The following ALG1 variants were observed in gnomAD, a reference collection of about 807,000 sequenced individuals.
ALG1 encodes the protein ALG1 chitobiosyldiphosphodolichol beta-mannosyltransferase.
In ALG1, 58 loss-of-function variants were observed where a neutral mutation model predicts 55.1. The observed-to-expected ratio is 1.05, with a 90% CI of 0.85 to 1.31. The LOEUF is 1.31. ALG1 is among the 50% of genes most tolerant of loss of function. ALG1 has a pLI of 0.00. For missense variants in ALG1, 761 were observed against 598.6 expected, an observed-to-expected ratio of 1.27 and a Z score of -2.83; for synonymous variants, 309 against 247.0, an observed-to-expected ratio of 1.25 and a Z score of -2.35.
intron 10 of ALG1, 98 bp downstream of exon 10, chr16:5,081,154 C>G: frequency 1.5e-6 from 2 of 1,328,348 alleles, no homozygotes; most frequent in East Asian, 2.6e-5. Flanking sequence ...CACTGGGGGA[C>G]GGGACCTGGG....
rs542893373 is a variant in ALG1, at chr16:5,079,955, G to T, written c.961+148G>T. 403 of 1,088,564 alleles carry T rather than the reference G, an allele frequency of 3.7e-4. 4 individuals are homozygous for T. In the South Asian group the frequency reaches 5.4e-3, roughly 15 times the overall value. 67.4% of individuals were successfully genotyped at this position (1,088,564 alleles called of 1,614,324 possible). The stretch of plus-strand genomic sequence containing the variant: ...GGGTCTTATACTGCTTGACATGGGG[G>T]AAACTGAGGCTCAGAGGCAGGGCAG... On this transcript the variant is annotated intron_variant, in intron 9 of 12. Coordinates refer to ENST00000262374, the MANE Select transcript of ALG1 (RefSeq NM_019109.5).
rs1464493808 is a variant in ALG1 at position 5,071,960 on chromosome 16, G to A, written c.111G>A (p.Ala37=). 1 of 1,589,098 alleles carries A rather than the reference G, an allele frequency of 6.3e-7. No homozygotes were observed. Among genetic ancestry groups the A allele is most frequent in the East Asian group, 2.3e-5 (1 of 43,332 alleles). ...RRGRAARHVV[A]VVLGDVGRSP... ...GGCGGGCGGCCCGGCATGTAGTAGC[G>A]GTGGTGCTGGGCGACGTGGGCCGCA... The change falls in exon 1 of 13, where the codon GCG becomes GCA. Residue 37 remains alanine, a synonymous_variant. Transcript: ENST00000262374.
chr16:5,085,748 A>T lies in ALG1; in HGVS notation c.*867A>T, dbSNP rs536814642. 3.8e-6 allele frequency: 6 copies of T among 1,593,472 alleles called. No individual in the cohort carries two copies. Among genetic ancestry groups the T allele is most frequent in the Non-Finnish European group, 4.3e-6 (5 of 1,163,234 alleles). On this transcript the variant is annotated 3_prime_UTR_variant, in exon 13 of 13. Transcript: ENST00000262374. ...CCGGCCCGGCCTGGAAACAGAGCAC[A>T]TGTGTTTGAGGATGGCGGTGTTTGG...
At chr16:5,079,009 G>C in intron 7 of ALG1, 55 bp from the exon 8 acceptor site, 1 of 1,602,664 alleles carries the variant, frequency 6.2e-7, no homozygotes, top group South Asian at 1.1e-5. Context: ...GGGCCTGTGA[G>C]CTGGAAGAGG....
Position 5,072,248 on chromosome 16 carries a change from C to T in ALG1, c.208+191C>T. 15 of 1,497,812 alleles carry T rather than the reference C, an allele frequency of 1.0e-5. No individual in the cohort carries two copies. The South Asian group carries it at 1.7e-4, about 17-fold the overall frequency. 92.8% of individuals were successfully genotyped at this position (1,497,812 alleles called of 1,614,324 possible). A position where few individuals can be genotyped will look rare whatever the true frequency, so the allele number is the denominator to read the frequency against. The stretch of plus-strand genomic sequence containing the variant: ...TAGGTATAGCCGGCGTTAATCTTGC[C>T]ACGTGTCAGAAGTGTGTTAAGTGAA... On this transcript the variant is annotated intron_variant, in intron 1 of 12. Transcript: ENST00000262374.
At chr16:5,078,410 G>C in intron 6 of ALG1, 1 of 594,456 alleles carries the variant, frequency 1.7e-6, no homozygotes, top group Non-Finnish European at 3.1e-6. Flanking sequence ...GCTAAGGAGG[G>C]GACCTTTGTG....
At chr16:5,076,142 C>G (rs1293358251) in intron 4 of ALG1, among the ~76,000 whole-genome samples, 1 of 152,234 alleles carries the variant, frequency 6.6e-6, no homozygotes, top group Non-Finnish European at 1.5e-5. Context: ...CTGGGAAGGT[C>G]ATCTGCTGTC....
chr16:5,077,964 G>T lies in ALG1; in HGVS notation c.687G>T (p.Leu229=). ...TCTTTAAAGAGACACCTCTGGACCT[G>T]CAGCACCGGCTCTTCATGAAGCTGG... The part of the protein sequence containing the change: ...ASFFKETPLD[L]QHRLFMKLGS... Residue 229 remains leucine, a synonymous_variant, in exon 6 of 13, where the codon CTG becomes CTT. Coordinates refer to ENST00000262374, the MANE Select transcript of ALG1 (RefSeq NM_019109.5). 1 of 1,604,712 alleles carries T rather than the reference G, an allele frequency of 6.2e-7. No homozygotes were observed.
intron 1 of ALG1, 34 bp downstream of exon 1, chr16:5,072,091 C>G (rs1189975032): frequency 3.9e-6 from 6 of 1,552,636 alleles, no homozygotes; most frequent in South Asian, 2.4e-5. Context: ...GGACGATGCT[C>G]TCTCAGCCGT....
At position 5,084,894 on chromosome 16, in the gene ALG1, A is replaced by T. The variant is rs1305255176; in HGVS notation, c.*13A>T. On this transcript the variant is annotated 3_prime_UTR_variant, in exon 13 of 13. Coordinates refer to ENST00000262374, the MANE Select transcript of ALG1 (RefSeq NM_019109.5). ...TATGGACACATAACTCCTGGGCCAG[A>T]GGCTAAAACCCCAGGACCCCTGCTG... 6.3e-7 allele frequency: 1 copy of T among 1,579,708 alleles called. No individual in the cohort carries two copies. Among genetic ancestry groups the T allele is most frequent in the Non-Finnish European group, 8.5e-7 (1 of 1,170,938 alleles).
chr16:5,087,053 A>G lies in ALG1; in HGVS notation c.*2172A>G, dbSNP rs1310856985. On this transcript the variant is annotated 3_prime_UTR_variant, in exon 13 of 13. Transcript: ENST00000262374. ...ATAAGAATGAAGTAGTACAGACATG[A>G]ATGTGTAGAAATCTCTATAATCCTG... 4 of 152,174 alleles carry G rather than the reference A, an allele frequency of 2.6e-5. No individual in the cohort carries two copies. The highest frequency in any genetic ancestry group is 4.4e-5 in the Non-Finnish European group (3 of 68,040). The allele number at this position is 152,174 out of a possible 1,614,324, so 9.4% of individuals were successfully genotyped here.
chr16:5,080,361 G>A (rs1956995911), intron 9 of ALG1, among the ~76,000 whole-genome samples: 2 of 152,174 alleles, frequency 1.3e-5, no homozygotes, highest in African/African-American at 4.8e-5. Flanking sequence ...CACTGTGCCC[G>A]GCCATGTCAT....
chr16:5,078,790 G>C lies in ALG1; in HGVS notation c.774G>C (p.Ser258=), dbSNP rs757068692. ...CTGAGGACCCAGTCACGGAGCGGTC[G>C]GCCTTCACGGAGCGGGATGCTGGGA... ...SEPEDPVTER[S]AFTERDAGSG... is the part of the protein sequence containing the mutation. Residue 258 remains serine (S), a synonymous_variant, in exon 7 of 13, where the codon TCG becomes TCC. Transcript: ENST00000262374. 2.4e-5 allele frequency: 38 copies of C among 1,612,726 alleles called. No homozygotes were observed. The South Asian group carries it at 4.2e-4, about 18-fold the overall frequency.
rs776264264 is a variant in ALG1, at chr16:5,082,581, T to A, written c.1095T>A (p.Cys365Ter). 5 of 1,611,916 alleles carry A rather than the reference T, an allele frequency of 3.1e-6. No individual in the cohort carries two copies. Among genetic ancestry groups the A allele is most frequent in the Non-Finnish European group, 4.2e-6 (5 of 1,179,870 alleles). ...CAGGGTCGGCGGACCTGGGTGTCTG[T>A]CTGCACACGTCCTCCAGTGGCCTGG... is the stretch of plus-strand genomic sequence containing the variant. ...LLLGSADLGV[C>*]LHTSSSGLDL... The change falls in exon 11 of 13, where the codon TGT (cysteine) becomes TGA (stop). Residue 365 changes from cysteine to a stop codon, truncating the protein, a stop_gained. Transcript: ENST00000262374. LOFTEE classifies it high-confidence loss of function.
At chr16:5,076,559 A>C (rs1956917914) in intron 4 of ALG1, among the ~76,000 whole-genome samples, 1 of 152,220 alleles carries the variant, frequency 6.6e-6, no homozygotes, top group Non-Finnish European at 1.5e-5. Flanking sequence ...CTTTCTCTGC[A>C]TCTTGAGAGG....
At position 5,086,446 on chromosome 16, in the gene ALG1, A is replaced by T. The variant is rs1957175457; in HGVS notation, c.*1565A>T. 1 of 151,876 alleles carries T rather than the reference A, an allele frequency of 6.6e-6. No individual in the cohort carries two copies. 9.4% of individuals were successfully genotyped at this position (151,876 alleles called of 1,614,324 possible). On this transcript the variant is annotated 3_prime_UTR_variant, in exon 13 of 13. Coordinates refer to ENST00000262374, the MANE Select transcript of ALG1 (RefSeq NM_019109.5). Reference sequence around the variant, plus strand: ...GATGTCTGAAGAGCCGTTAGCCAGAATGATTCTTTTTTTTTGTTTTGAGAT... The same window carrying T: ...GATGTCTGAAGAGCCGTTAGCCAGATTGATTCTTTTTTTTTGTTTTGAGAT...
rs772241531 is a variant in ALG1, at chr16:5,075,508, A to G, written c.511A>G (p.Asn171Asp). ...CATCATGGGTCTGGTGCATGGCCCC[A>G]ACCATCCCCTCGTTCTGCTGGCCAA... ...YSIMGLVHGPNHPLVLLAKWY... is the reference protein window; with the variant it reads ...YSIMGLVHGPDHPLVLLAKWY... The change falls in exon 4 of 13, where the codon AAC (asparagine) becomes GAC (aspartate). Residue 171 changes from asparagine (N) to aspartate (D), a missense_variant. Physicochemically the swap from Asn to Asp is conservative, Grantham distance 23. Transcript: ENST00000262374. The G allele has an allele frequency of 6.2e-7, 1 of 1,614,144 alleles. No individual in the cohort carries two copies. Among genetic ancestry groups the G allele is most frequent in the Non-Finnish European group, 8.5e-7 (1 of 1,180,012 alleles).
intron 12 of ALG1, chr16:5,084,281 A>G (rs538053267): frequency 2.8e-5 from 9 of 324,314 alleles, no homozygotes; most frequent in African/African-American, 1.9e-4. Context: ...GCCACAGATC[A>G]TCTGTAGATT....
At chr16:5,084,239 G>A (rs1957071180) in intron 12 of ALG1, 1 of 292,936 alleles carries the variant, frequency 3.4e-6, no homozygotes, top group Non-Finnish European at 6.6e-6. Flanking sequence ...GTCTCTGTCA[G>A]AACCATGGTA....
Sources: allele counts gnomAD v4.1 joint callset (sites outside exome capture counted in the v4.1 genomes callset), GRCh38; gene constraint gnomAD v4.1.1; transcripts MANE v1.5; gene names NCBI Gene and HGNC (gene_info 2026-07-23, HGNC 2026-07-21).